The following XRN1 variants were observed in gnomAD, a reference collection of about 807,000 sequenced individuals.
XRN1 encodes the protein strand-exchange protein 1 homolog.
In XRN1, 67 loss-of-function variants were observed where a neutral mutation model predicts 222.3. The observed-to-expected ratio is 0.30, with a 90% CI of 0.25 to 0.37. The LOEUF (loss-of-function observed/expected upper bound fraction) is 0.37, where lower values mean the gene tolerates loss of function less well. Among genes scored for constraint, XRN1 ranks in the 10% least tolerant of loss-of-function variants. The probability of loss-of-function intolerance (pLI) is 1.00; values close to 1 mark genes in which losing one functional copy is unlikely to be tolerated. For missense variants in XRN1, 1,707 were observed against 2,000.2 expected (o/e 0.85, Z 2.80); for synonymous variants, 643 against 652.4 (o/e 0.99, Z 0.22).
intron 25 of XRN1, among the ~76,000 whole-genome samples, chr3:142,373,475 C>A (rs2067047593): frequency 6.6e-6 from 1 of 151,980 alleles, no homozygotes; most frequent in African/African-American, 2.4e-5. Context: ...GGAAGGGCAT[C>A]AGTTGCAAGC....
intron 32 of XRN1, among the ~76,000 whole-genome samples, chr3:142,348,842 G>A (rs201146939): frequency 6.6e-6 from 1 of 152,162 alleles, no homozygotes; most frequent in Non-Finnish European, 1.5e-5. Context: ...ATCTTATTAT[G>A]TTGCCCAGGC....
chr3:142,322,685 AAAC>A (rs1010264674), intron 37 of XRN1, among the ~76,000 whole-genome samples: 1 of 148,826 alleles, frequency 6.7e-6, no homozygotes, highest in African/African-American at 2.6e-5. Context: ...CCAAACAAAC[AAAC>A]AAAAAAAAAT....
chr3:142,395,607 C>G (rs796276910), intron 20 of XRN1, among the ~76,000 whole-genome samples: 17 of 152,316 alleles, frequency 1.1e-4, no homozygotes, highest in African/African-American at 3.6e-4. Context: ...GTCTCCACTT[C>G]TGCAACTCTC....
chr3:142,419,625 A>G (rs1320327769), intron 10 of XRN1, among the ~76,000 whole-genome samples: 2 of 152,164 alleles, frequency 1.3e-5, no homozygotes, highest in African/African-American at 2.4e-5. Context: ...CATTACCAAC[A>G]TAGTGAAACC....
At chr3:142,437,524 G>T (rs2069968668) in intron 1 of XRN1, among the ~76,000 whole-genome samples, 1 of 152,158 alleles carries the variant, frequency 6.6e-6, no homozygotes, top group African/African-American at 2.4e-5. Context: ...GGTCCTGCAT[G>T]ATTTGGCTGC....
rs1354358287 is a variant in XRN1 at position 142,401,455 on chromosome 3, C to T, written c.2104-908G>A. 3.3e-5 allele frequency among the ~76,000 whole-genome samples: 5 copies of T among 152,302 alleles called. No homozygotes were observed. In the East Asian group the frequency reaches 9.6e-4, roughly 29 times the overall value. ...GTAGGCTGGGCGCTGTGGCTCACGC[C>T]TGTAATCCCAGCACTTTGGGAGGCC... On this transcript the variant is annotated intron_variant, in intron 18 of 40. Transcript: ENST00000392981.
chr3:142,422,745 C>A lies in XRN1; in HGVS notation c.804G>T (p.Lys268Asn), dbSNP rs774731680. The A allele has an allele frequency of 1.9e-6, 3 of 1,609,344 alleles. No individual in the cohort carries two copies. Among genetic ancestry groups the A allele is most frequent in the Non-Finnish European group, 2.5e-6 (3 of 1,177,950 alleles). Residue 268 changes from lysine to asparagine, a missense_variant, in exon 8 of 41, where the codon AAG (lysine) becomes AAT (asparagine). This residue lies in a region of XRN1 where 1,234 missense variants were observed against 1,518.2 expected (regional missense o/e 0.81). Transcript: ENST00000392981. ...TTTCAATATCATATTTAAATGTGAT[C>A]TTTTCCTACAGTAAAATAGAGAACA... ...IDYEFSVLKEKITFKYDIERI... is the reference protein window; with the variant it reads ...IDYEFSVLKENITFKYDIERI...
At chr3:142,432,584 G>C (rs2069678799) in intron 2 of XRN1, 77 bp downstream of exon 2, 1 of 1,283,240 alleles carries the variant, frequency 7.8e-7, no homozygotes, top group South Asian at 1.5e-5. Context: ...AGAAGATTGT[G>C]TTAAATCAAT....
intron 35 of XRN1, 115 bp downstream of exon 35, chr3:142,332,852 T>G: frequency 7.0e-7 from 1 of 1,438,830 alleles, no homozygotes; most frequent in South Asian, 1.5e-5. Context: ...ATGACAATAA[T>G]GATGTAACAT....
chr3:142,315,371 C>CA (rs1236024331), intron 39 of XRN1, among the ~76,000 whole-genome samples: 1 of 152,028 alleles, frequency 6.6e-6, no homozygotes, highest in Non-Finnish European at 1.5e-5. Context: ...GCTGGGATTA[C>CA]AAGCATGAGT....
At chr3:142,399,938 T>A (rs1316954293) in intron 19 of XRN1, among the ~76,000 whole-genome samples, 5 of 151,834 alleles carry the variant, frequency 3.3e-5, no homozygotes, top group African/African-American at 1.2e-4. Flanking sequence ...CAAGATAAAA[T>A]TTATATGAAA....
chr3:142,380,151 T>G lies in XRN1; in HGVS notation c.2646A>C (p.Glu882Asp), dbSNP rs2067259145. The G allele has an allele frequency of 1.2e-6, 2 of 1,613,834 alleles. No homozygotes were observed. Among genetic ancestry groups the G allele is most frequent in the South Asian group, 1.1e-5 (1 of 91,078 alleles). ...EVQDSGDVITEGRIRVIFSIP... is the reference protein window; with the variant it reads ...EVQDSGDVITDGRIRVIFSIP... Reference sequence around the variant, plus strand: ...TGCTGAAAATCACACGAATCCTACCTTCTGTAATCACATCACCTGAATCCT... The same window carrying G: ...TGCTGAAAATCACACGAATCCTACCGTCTGTAATCACATCACCTGAATCCT... The change falls in exon 23 of 41, where the codon GAA (glutamate) becomes GAC (aspartate). Residue 882 changes from glutamate (E) to aspartate (D), a missense_variant. Coordinates refer to ENST00000392981, the MANE Select transcript of XRN1 (RefSeq NM_001282857.2).
At chr3:142,331,213 C>G (rs1350401881) in intron 36 of XRN1, among the ~76,000 whole-genome samples, 1 of 152,178 alleles carries the variant, frequency 6.6e-6, no homozygotes, top group Non-Finnish European at 1.5e-5. Context: ...ACTTTTGTAT[C>G]AGTCATTCTT....
intron 20 of XRN1, among the ~76,000 whole-genome samples, chr3:142,390,904 T>C (rs1469060659): frequency 2.0e-5 from 3 of 152,178 alleles, no homozygotes; most frequent in Non-Finnish European, 4.4e-5. Context: ...AATTTCAATA[T>C]TGCTATGTCT....
chr3:142,368,333 G>A (rs1171401974), intron 27 of XRN1, among the ~76,000 whole-genome samples: 2 of 152,066 alleles, frequency 1.3e-5, no homozygotes, highest in Non-Finnish European at 2.9e-5. Flanking sequence ...ATTTTTATTA[G>A]AGACAGGGTT....
Position 142,311,609 on chromosome 3 carries a change from G to A in XRN1, c.4987C>T (p.His1663Tyr). 2 of 1,614,076 alleles carry A rather than the reference G, an allele frequency of 1.2e-6. No homozygotes were observed. Among genetic ancestry groups the A allele is most frequent in the Non-Finnish European group, 1.7e-6 (2 of 1,179,990 alleles). Residue 1663 changes from histidine to tyrosine, a missense_variant, in exon 41 of 41, where the codon CAT becomes TAT. His to Tyr is a moderately conservative substitution (Grantham distance 83). Coordinates refer to ENST00000392981, the MANE Select transcript of XRN1 (RefSeq NM_001282857.2). ...GTTGACTTATGGTGAGATATACTAT[G>A]GCCTTGAGAGGCAGTTTCAACTTGA... ...SFQVETASQG[H>Y]SISHHKSTPI...
At chr3:142,386,990 C>A (rs2067528078) in intron 20 of XRN1, among the ~76,000 whole-genome samples, 1 of 151,746 alleles carries the variant, frequency 6.6e-6, no homozygotes, top group South Asian at 2.1e-4. Context: ...GATATATACC[C>A]AAAAGGAATG....
rs79545569 is a variant in XRN1, at chr3:142,410,299, A to G, written c.1713+2245T>C. Among the ~76,000 whole-genome samples the G allele has an allele frequency of 5.1e-3, 779 of 152,188 alleles. 9 individuals are homozygous for G. The highest frequency in any genetic ancestry group is 0.018 in the African/African-American group (757 of 41,506). The stretch of plus-strand genomic sequence containing the variant: ...TTCCTGTTATCCTTGTTTGTTGAAC[A>G]TTTCTATTAAAACTGGATGTTTGTG... On this transcript the variant is annotated intron_variant, in intron 15 of 40. Coordinates refer to ENST00000392981, the MANE Select transcript of XRN1 (RefSeq NM_001282857.2).
intron 1 of XRN1, among the ~76,000 whole-genome samples, chr3:142,443,597 CT>C (rs1198630603): frequency 2.6e-5 from 4 of 152,238 alleles, no homozygotes; most frequent in Non-Finnish European, 5.9e-5. Context: ...GGGTCCCCTC[CT>C]TTTGTATGGG....
Sources: allele counts gnomAD v4.1 joint callset (sites outside exome capture counted in the v4.1 genomes callset), GRCh38; gene constraint gnomAD v4.1.1; regional missense constraint gnomAD v4.1.1; transcripts MANE v1.5; gene names NCBI Gene and HGNC (gene_info 2026-07-23, HGNC 2026-07-21).